Variants in TPPP2 observed in about 807,000 individuals in gnomAD.
TPPP2 encodes the protein tubulin polymerization-promoting protein family member 2.
In TPPP2, 8 loss-of-function variants were observed where a neutral mutation model predicts 13.0. The ratio of observed to expected loss-of-function variants is 0.62; its 90% confidence interval spans 0.36 to 1.11. TPPP2 has a LOEUF of 1.11. TPPP2 is among the 50% of genes most tolerant of loss of function. The probability of loss-of-function intolerance (pLI) is 0.02; values close to 1 mark genes in which losing one functional copy is unlikely to be tolerated. For synonymous variants in TPPP2, 81 were observed against 81.8 expected (o/e 0.99, Z 0.05); for missense variants, 213 against 216.9 (o/e 0.98, Z 0.11).
upstream of TPPP2, among the ~76,000 whole-genome samples, chr14:21,026,186 C>T (rs1883597820): frequency 1.3e-5 from 2 of 152,154 alleles, no homozygotes; most frequent in Admixed American, 6.5e-5. Flanking sequence ...ATGAGCTCTC[C>T]TTGTGCCCCT....
At position 21,032,717 on chromosome 14, in the gene TPPP2, G is replaced by A. The variant is rs1193525480; in HGVS notation, c.*640G>A. On this transcript the variant is annotated 3_prime_UTR_variant, in exon 4 of 4. Coordinates refer to ENST00000321760, the MANE Select transcript of TPPP2 (RefSeq NM_173846.5). ...CAGAAGAGCTTACTGACTGCTAAGG[G>A]TAGCTCAGGAAGATGGCCAGATGAG... 1 of 362,132 alleles carries A rather than the reference G, an allele frequency of 2.8e-6. No homozygotes were observed. The highest frequency in any genetic ancestry group is 2.1e-5 in the African/African-American group (1 of 46,624). The allele number at this position is 362,132 out of a possible 1,614,324, so 22.4% of individuals were successfully genotyped here. A position where few individuals can be genotyped will look rare whatever the true frequency, so the allele number is the denominator to read the frequency against.
At chr14:21,034,327 G>T, downstream of TPPP2, 1 of 1,514,166 alleles carries the variant, frequency 6.6e-7, no homozygotes. Flanking sequence ...GGGGGCAGCA[G>T]TGGGCCTGAA....
upstream of TPPP2, chr14:21,025,712 C>T (rs1421972963): frequency 6.1e-6 from 6 of 984,980 alleles, no homozygotes; most frequent in East Asian, 3.4e-4. This position sits in a 1 kb window ranked among gnomAD's most constrained non-coding sequence, Gnocchi z 5.1. Context: ...CGCCTGCTCT[C>T]CGGCTGCTCC....
chr14:21,029,611 CAAAT>C (rs994296451), upstream of TPPP2, among the ~76,000 whole-genome samples: 1 of 152,052 alleles, frequency 6.6e-6, no homozygotes, highest in Non-Finnish European at 1.5e-5. Flanking sequence ...AATAAATACG[CAAAT>C]AAATAAAATA....
chr14:21,034,179 A>G (rs1476186287), downstream of TPPP2: 12 of 1,613,908 alleles, frequency 7.4e-6, no homozygotes, highest in South Asian at 8.8e-5. Context: ...GGGATAGTCA[A>G]TGCTTAAGGT....
chr14:21,025,171 G>T lies in TPPP2; in HGVS notation n.236+827G>T. ...CCCGCAGACCCGCCCCAGACCCCCA[G>T]TAAACACGCCCCCCCTTTCACCCCG... On this transcript the variant is annotated intron_variant and non_coding_transcript_variant, in intron 1 of 1. Transcript: ENST00000533755. The surrounding 1 kb of genome is among the most constrained non-coding windows in gnomAD (Gnocchi z 5.1). The T allele has an allele frequency of 1.1e-6, 1 of 916,566 alleles. No homozygotes were observed. Among genetic ancestry groups the T allele is most frequent in the Non-Finnish European group, 1.3e-6 (1 of 767,234 alleles). The allele number at this position is 916,566 out of a possible 1,614,324, so 56.8% of individuals were successfully genotyped here. A position where few individuals can be genotyped will look rare whatever the true frequency, so the allele number is the denominator to read the frequency against.
downstream of TPPP2, chr14:21,034,037 C>T (rs781086251): frequency 4.3e-6 from 7 of 1,614,036 alleles, no homozygotes; most frequent in Admixed American, 1.2e-4. Context: ...ACTTGCAGAA[C>T]TTCTGGATGG....
upstream of TPPP2, among the ~76,000 whole-genome samples, chr14:21,029,569 C>T (rs1314047772): frequency 6.6e-5 from 10 of 152,190 alleles, no homozygotes; most frequent in Admixed American, 6.5e-4. Flanking sequence ...TGCATTTCAG[C>T]CTGGGCAACA....
chr14:21,025,505 C>A, upstream of TPPP2: 6 of 985,450 alleles, frequency 6.1e-6, no homozygotes, highest in Non-Finnish European at 4.8e-6. The surrounding 1 kb of genome is among the most constrained non-coding windows in gnomAD (Gnocchi z 5.1). Flanking sequence ...TCGACTCCCC[C>A]CGCCCGAACA....
In TPPP2 at chr14:21,030,825, G is replaced by A. The variant is rs867372956; in HGVS notation, c.173+71G>A. The stretch of plus-strand genomic sequence containing the variant: ...GGTAGTTGGCCACGGAAGGGTTCAC[G>A]TGGTGGAACATTTGCAGTGGGCCTA... On this transcript the variant is annotated intron_variant, in intron 2 of 3. Transcript: ENST00000321760. 2.9e-5 allele frequency: 45 copies of A among 1,565,894 alleles called. 1 individual carries two copies. The Middle Eastern group carries it at 6.0e-4, about 21-fold the overall frequency.
upstream of TPPP2, among the ~76,000 whole-genome samples, chr14:21,026,377 C>T (rs1269199254): frequency 2.0e-5 from 3 of 149,500 alleles, no homozygotes; most frequent in South Asian, 2.2e-4. Flanking sequence ...GTTGCCATTT[C>T]GGGGGCTGGG....
Position 21,032,401 on chromosome 14 carries a change from T to C in TPPP2, c.*324T>C, listed in dbSNP as rs375409335. ...TGGAGGTAAAAGTATCTACTACTTG[T>C]GTTCACACATTACTGATATCCACCT... On this transcript the variant is annotated 3_prime_UTR_variant, in exon 4 of 4. Coordinates refer to ENST00000321760, the MANE Select transcript of TPPP2 (RefSeq NM_173846.5). 2.2e-6 allele frequency: 1 copy of C among 457,526 alleles called. No homozygotes were observed. 28.3% of individuals were successfully genotyped at this position (457,526 alleles called of 1,614,324 possible).
At position 21,031,996 on chromosome 14, in the gene TPPP2, G is replaced by A. The variant is rs149795106; in HGVS notation, c.432G>A (p.Ala144=). 4.8e-5 allele frequency: 78 copies of A among 1,614,148 alleles called. No individual in the cohort carries two copies. The highest frequency in any genetic ancestry group is 5.9e-5 in the Non-Finnish European group (70 of 1,180,020). Residue 144 remains alanine, a synonymous_variant, in exon 4 of 4, where the codon GCG becomes GCA. Coordinates refer to ENST00000321760, the MANE Select transcript of TPPP2 (RefSeq NM_173846.5). ...AGAGTGGCAAGGGCAAGGGCATTGCGGGACGGGAAGAGATGACTGACAACA... is the reference window on the plus strand; with the variant it reads ...AGAGTGGCAAGGGCAAGGGCATTGCAGGACGGGAAGAGATGACTGACAACA... ...FDESGKGKGI[A]GREEMTDNTG...
chr14:21,026,248 G>A (rs1242841978), upstream of TPPP2, among the ~76,000 whole-genome samples: 1 of 152,070 alleles, frequency 6.6e-6, no homozygotes, highest in Admixed American at 6.5e-5. Context: ...TGGCTTAAGG[G>A]AATTCGAAGT....
At chr14:21,035,584 G>A (rs1243463), downstream of TPPP2, among the ~76,000 whole-genome samples, 135,292 of 152,190 alleles carry the variant, frequency 0.89, 60,194 homozygotes, top group East Asian at 0.92. Flanking sequence ...CCTTTGCTGG[G>A]CAGCAGAAAA....
chr14:21,024,379 G>A, intron 1 of TPPP2: 2 of 931,456 alleles, frequency 2.1e-6, no homozygotes, highest in Non-Finnish European at 2.6e-6. Context: ...CTCCGGATTC[G>A]AATCCCGGCT....
In TPPP2 at chr14:21,025,074, G is replaced by T. The variant is rs1883170458; in HGVS notation, n.236+730G>T. 42 of 986,028 alleles carry T rather than the reference G, an allele frequency of 4.3e-5. 1 individual carries two copies. The highest frequency in any genetic ancestry group is 2.3e-4 in the South Asian group (5 of 21,302). 61.1% of individuals were successfully genotyped at this position (986,028 alleles called of 1,614,324 possible). A position where few individuals can be genotyped will look rare whatever the true frequency, so the allele number is the denominator to read the frequency against. ...TCCACCTTCACTTGCCTTTGACTCG[G>T]GCCCGCCCCGGCTCGGGCTTCCCGC... On this transcript the variant is annotated intron_variant and non_coding_transcript_variant, in intron 1 of 1. Coordinates refer to the TPPP2 transcript ENST00000533755. The surrounding 1 kb of genome is among the most constrained non-coding windows in gnomAD (Gnocchi z 5.1).
chr14:21,025,088 C>T lies in TPPP2; in HGVS notation n.236+744C>T, dbSNP rs1883182486. 8 of 985,940 alleles carry T rather than the reference C, an allele frequency of 8.1e-6. No individual in the cohort carries two copies. Among genetic ancestry groups the T allele is most frequent in the Middle Eastern group, 5.1e-4 (1 of 1,942 alleles). The allele number at this position is 985,940 out of a possible 1,614,324, so 61.1% of individuals were successfully genotyped here. A position where few individuals can be genotyped will look rare whatever the true frequency, so the allele number is the denominator to read the frequency against. ...CCTTTGACTCGGGCCCGCCCCGGCTCGGGCTTCCCGCAGACCCGCCCCCGG... is the reference window on the plus strand; with the variant it reads ...CCTTTGACTCGGGCCCGCCCCGGCTTGGGCTTCCCGCAGACCCGCCCCCGG... On this transcript the variant is annotated intron_variant and non_coding_transcript_variant, in intron 1 of 1. Transcript: ENST00000533755. This position sits in a 1 kb window ranked among gnomAD's most constrained non-coding sequence, Gnocchi z 5.1.
intron 1 of TPPP2, 52 bp from the exon 2 acceptor site, chr14:21,030,461 G>A: frequency 9.6e-7 from 1 of 1,036,718 alleles, no homozygotes. Flanking sequence ...GAGGGGAGCT[G>A]TTCCTGTTGC....
Sources: gnomAD v4.1 joint callset for allele counts (sites outside exome capture counted in the v4.1 genomes callset) on GRCh38, gnomAD v4.1.1 for gene constraint, Gnocchi (gnomAD v3.1) non-coding constraint, MANE v1.5 for transcripts, NCBI Gene and HGNC (gene_info 2026-07-23, HGNC 2026-07-21) for gene names.